PCDHGB2: variants seen among roughly 807,000 people sequenced by gnomAD.
PCDHGB2 encodes protocadherin gamma subfamily B, 2.
Under a neutral mutation model 59.3 loss-of-function variants are expected in PCDHGB2, and 55 were observed. That is an observed-to-expected ratio of 0.93 (90% CI 0.75 to 1.16). The LOEUF is 1.16. PCDHGB2 is among the 50% of genes most tolerant of loss of function. The probability of loss-of-function intolerance (pLI) is 0.00; values close to 1 mark genes in which losing one functional copy is unlikely to be tolerated. For missense variants in PCDHGB2, 1,228 were observed against 1,198.5 expected, an observed-to-expected ratio of 1.02 and a Z score of -0.36; for synonymous variants, 516 against 512.0, an observed-to-expected ratio of 1.01 and a Z score of -0.11.
At chr5:141,413,198 C>T in intron 1 of PCDHGB2, 5 of 1,611,416 alleles carry the variant, frequency 3.1e-6, no homozygotes, top group Non-Finnish European at 2.5e-6. Flanking sequence ...AGGAATCGCT[C>T]AAAGGAATCA....
At chr5:141,414,834 C>T in intron 1 of PCDHGB2, 1 of 1,614,252 alleles carries the variant, frequency 6.2e-7, no homozygotes, top group South Asian at 1.1e-5. Context: ...TGTCGTTGAG[C>T]CTGTTTGTGC....
intron 1 of PCDHGB2, among the ~76,000 whole-genome samples, chr5:141,492,474 G>T (rs2099741007): frequency 6.6e-6 from 1 of 152,218 alleles, no homozygotes; most frequent in African/African-American, 2.4e-5. Context: ...CCCAGATCGC[G>T]GCCGCCCAGG....
chr5:141,360,206 T>G lies in PCDHGB2; in HGVS notation c.71T>G (p.Leu24Trp). 1 of 1,613,114 alleles carries G rather than the reference T, an allele frequency of 6.2e-7. No homozygotes were observed. The highest frequency in any genetic ancestry group is 1.7e-5 in the Admixed American group (1 of 59,832). ...GTACTGTTGCCCTTCCTGTTGTCTT[T>G]GTTCCCCGGGGCTCTCCCAGTCCAG... ...LQVLLPFLLS[L>W]FPGALPVQIR... Residue 24 changes from leucine (L) to tryptophan (W), a missense_variant, in exon 1 of 4, where the codon TTG (leucine) becomes TGG (tryptophan). Physicochemically the swap from Leu to Trp is moderately conservative, Grantham distance 61. Transcript: ENST00000522605.
At chr5:141,374,994 C>A in intron 1 of PCDHGB2, 2 of 1,614,038 alleles carry the variant, frequency 1.2e-6, no homozygotes, top group Non-Finnish European at 1.7e-6. Flanking sequence ...ATTTCAACTT[C>A]TGCAAATCTA....
At chr5:141,375,200 G>A (rs755732164) in intron 1 of PCDHGB2, 3 of 1,613,940 alleles carry the variant, frequency 1.9e-6, no homozygotes, top group South Asian at 1.1e-5. Context: ...TCAAGTGTTC[G>A]ATCGAGACTC....
intron 1 of PCDHGB2, chr5:141,370,945 A>G (rs926355421): frequency 6.2e-7 from 1 of 1,614,020 alleles, no homozygotes; most frequent in Non-Finnish European, 8.5e-7. Context: ...ATTCAGAAGG[A>G]GAACCTGGAT....
At chr5:141,388,274 G>A (rs1340999969) in intron 1 of PCDHGB2, 1 of 1,590,544 alleles carries the variant, frequency 6.3e-7, no homozygotes, top group African/African-American at 1.5e-5. Context: ...ATGACCACAC[G>A]CCAAAATTCA....
chr5:141,490,882 A>G lies in PCDHGB2; in HGVS notation c.2422-3925A>G, dbSNP rs758716907. ...CGGCTCTCCCCCATTGCATGCCAAC[A>G]CATCTCTGCATGTGTTTGTCCTAGA... On this transcript the variant is annotated intron_variant, in intron 1 of 3. Coordinates refer to ENST00000522605, the MANE Select transcript of PCDHGB2 (RefSeq NM_018923.3). This position sits in a 1 kb window ranked among gnomAD's most constrained non-coding sequence, Gnocchi z 5.4. 6.2e-7 allele frequency: 1 copy of G among 1,613,848 alleles called. No individual in the cohort carries two copies. Among genetic ancestry groups the G allele is most frequent in the Non-Finnish European group, 8.5e-7 (1 of 1,179,920 alleles).
rs200580042 is a variant in PCDHGB2 at position 141,486,553 on chromosome 5, T to C, written c.2422-8254T>C. 5.4e-5 allele frequency: 87 copies of C among 1,614,028 alleles called. No individual in the cohort carries two copies. The highest frequency in any genetic ancestry group is 7.2e-5 in the Non-Finnish European group (85 of 1,180,046). On this transcript the variant is annotated intron_variant, in intron 1 of 3. Coordinates refer to ENST00000522605, the MANE Select transcript of PCDHGB2 (RefSeq NM_018923.3). The surrounding 1 kb of genome is among the most constrained non-coding windows in gnomAD (Gnocchi z 5.0). ...CACCCTCTTTCTTTCAGAGGTCACA[T>C]GAGGTGTTTGTTCCTGAGAACAATC...
intron 1 of PCDHGB2, chr5:141,419,836 G>A (rs756561978): frequency 1.9e-6 from 3 of 1,613,958 alleles, no homozygotes. Context: ...CCACTGCCAC[G>A]CTGCACCTGG....
chr5:141,460,455 A>AT (rs2098989699), intron 1 of PCDHGB2, among the ~76,000 whole-genome samples: 1 of 152,080 alleles, frequency 6.6e-6, no homozygotes, highest in Non-Finnish European at 1.5e-5. Flanking sequence ...GAAGATTCAT[A>AT]TTTTTTTCCA....
chr5:141,432,934 G>GC lies in PCDHGB2; in HGVS notation c.2422-61872dup. On this transcript the variant is annotated intron_variant, in intron 1 of 3. Transcript: ENST00000522605. The surrounding 1 kb of genome is among the most constrained non-coding windows in gnomAD (Gnocchi z 6.0). ...GGCGCTGGCACAAGTCACGCCTGCT[G>GC]CAGGCTTCAGGAGGCGGCTTGACAG... The GC allele has an allele frequency of 6.2e-7, 1 of 1,614,196 alleles. No individual in the cohort carries two copies. Among genetic ancestry groups the GC allele is most frequent in the Non-Finnish European group, 8.5e-7 (1 of 1,180,040 alleles).
At chr5:141,394,494 G>A (rs771645801) in intron 1 of PCDHGB2, 4 of 1,614,200 alleles carry the variant, frequency 2.5e-6, no homozygotes, top group Non-Finnish European at 1.7e-6. Flanking sequence ...CAACGCGCCC[G>A]AGATCCTGTA....
chr5:141,379,173 A>G (rs556120661), intron 1 of PCDHGB2: 5 of 152,374 alleles, frequency 3.3e-5, no homozygotes, highest in Non-Finnish European at 1.5e-5. Context: ...CTTCTTAAAG[A>G]TAACATTGAG....
At chr5:141,365,095 A>G in intron 1 of PCDHGB2, 2 of 1,613,810 alleles carry the variant, frequency 1.2e-6, no homozygotes, top group Non-Finnish European at 1.7e-6. Context: ...CAGAGAACAT[A>G]CCTGTGGGCA....
In PCDHGB2 at chr5:141,490,004, CA is replaced by C; in HGVS notation, c.2422-4802del. 1 of 1,614,174 alleles carries C rather than the reference CA, an allele frequency of 6.2e-7. No individual in the cohort carries two copies. Among genetic ancestry groups the C allele is most frequent in the Admixed American group, 1.7e-5 (1 of 60,034 alleles). ...CTACGTGTGGGAATCCCAGAGAATG[CA>C]CCCATTGGTACTCTGCTGCTCCGCC... On this transcript the variant is annotated intron_variant, in intron 1 of 3. Transcript: ENST00000522605. This position sits in a 1 kb window ranked among gnomAD's most constrained non-coding sequence, Gnocchi z 5.4.
chr5:141,454,101 A>T (rs2098781558), intron 1 of PCDHGB2, among the ~76,000 whole-genome samples: 1 of 152,256 alleles, frequency 6.6e-6, no homozygotes. Flanking sequence ...ATTGAACATA[A>T]ATGGAGTTAT....
In PCDHGB2 at chr5:141,452,847, T is replaced by G. The variant is rs575815407; in HGVS notation, c.2422-41960T>G. Among the ~76,000 whole-genome samples, 42 of 152,304 alleles carry G rather than the reference T, an allele frequency of 2.8e-4. 1 individual carries two copies. Among genetic ancestry groups the G allele is most frequent in the Admixed American group, 2.5e-3 (38 of 15,302 alleles). ...AAATCACTTGGTCCAGCCCACACTC[T>G]GGGGAGATGATTTTCTAACTCCATT... On this transcript the variant is annotated intron_variant, in intron 1 of 3. Coordinates refer to ENST00000522605, the MANE Select transcript of PCDHGB2 (RefSeq NM_018923.3).
chr5:141,375,578 G>T, intron 1 of PCDHGB2: 1 of 1,614,062 alleles, frequency 6.2e-7, no homozygotes, highest in Non-Finnish European at 8.5e-7. Flanking sequence ...CCTCCAGGGG[G>T]CGCCCCTGTC....
Sources: gnomAD v4.1 joint callset for allele counts (sites outside exome capture counted in the v4.1 genomes callset) on GRCh38, gnomAD v4.1.1 for gene constraint, Gnocchi (gnomAD v3.1) non-coding constraint, MANE v1.5 for transcripts, NCBI Gene and HGNC (gene_info 2026-07-23, HGNC 2026-07-21) for gene names.